The following PDE4D variants were observed in gnomAD, a reference collection of about 807,000 sequenced individuals.
PDE4D encodes the protein 3',5'-cyclic-AMP phosphodiesterase 4D.
In PDE4D, 24 loss-of-function variants were observed where a neutral mutation model predicts 87.4. That is an observed-to-expected ratio of 0.27 (90% confidence interval 0.20 to 0.39). The LOEUF (loss-of-function observed/expected upper bound fraction) is 0.39. Among genes scored for constraint, PDE4D ranks in the 10% least tolerant of loss-of-function variants. The pLI is 1.00. For missense variants in PDE4D, 714 were observed against 1,041.0 expected, an observed-to-expected ratio of 0.69 and a Z score of 4.32; for synonymous variants, 384 against 383.2, an observed-to-expected ratio of 1.00 and a Z score of -0.02.
chr5:59,203,082 A>T (rs1561700044), intron 2 of PDE4D, among the ~76,000 whole-genome samples: 1 of 152,142 alleles, frequency 6.6e-6, no homozygotes, highest in Non-Finnish European at 1.5e-5. Context: ...AGTGGCTTAC[A>T]CCTGTAATCC....
At chr5:60,416,425 A>G (rs1742568929) in intron 1 of PDE4D, among the ~76,000 whole-genome samples, 1 of 152,188 alleles carries the variant, frequency 6.6e-6, no homozygotes, top group African/African-American at 2.4e-5. Flanking sequence ...ATGAGCTGTA[A>G]CACTCACTGC....
chr5:60,450,573 C>CA (rs1028575442), intron 1 of PDE4D, among the ~76,000 whole-genome samples: 2 of 151,858 alleles, frequency 1.3e-5, no homozygotes, highest in African/African-American at 2.4e-5. Flanking sequence ...GGTTAGAGAC[C>CA]AAAAAACTTG....
chr5:59,892,283 C>T (rs1751065308), intron 1 of PDE4D, among the ~76,000 whole-genome samples: 1 of 152,200 alleles, frequency 6.6e-6, no homozygotes. Context: ...TACTAAAACT[C>T]CCGGTTGATA....
At chr5:59,820,343 A>G (rs926283076) in intron 1 of PDE4D, among the ~76,000 whole-genome samples, 15 of 152,226 alleles carry the variant, frequency 9.9e-5, no homozygotes, top group African/African-American at 3.4e-4. Context: ...TCCTCAGGCT[A>G]TCCCCAAATC....
chr5:59,343,338 C>A (rs976763996), intron 1 of PDE4D, among the ~76,000 whole-genome samples: 13 of 152,112 alleles, frequency 8.5e-5, no homozygotes, highest in African/African-American at 3.1e-4. Context: ...GTTCCCATCA[C>A]CCCCTGGTAA....
intron 2 of PDE4D, among the ~76,000 whole-genome samples, chr5:60,095,904 C>T (rs1262294986): frequency 6.6e-6 from 1 of 151,980 alleles, no homozygotes; most frequent in African/African-American, 2.4e-5. Context: ...TGAGAAGTGT[C>T]TGTTTATATC....
chr5:59,279,564 C>A (rs1293121241), intron 1 of PDE4D, among the ~76,000 whole-genome samples: 3 of 152,038 alleles, frequency 2.0e-5, no homozygotes, highest in Non-Finnish European at 4.4e-5. Flanking sequence ...AGATTTCCTA[C>A]CTCTTTCATA....
chr5:59,074,933 T>C (rs1263512797), intron 5 of PDE4D, among the ~76,000 whole-genome samples: 1 of 152,146 alleles, frequency 6.6e-6, no homozygotes, highest in African/African-American at 2.4e-5. Context: ...TCCTTACTTC[T>C]CACTATTAAT....
intron 2 of PDE4D, among the ~76,000 whole-genome samples, chr5:60,177,752 A>G (rs1784046895): frequency 6.6e-6 from 1 of 152,198 alleles, no homozygotes; most frequent in Admixed American, 6.5e-5. Context: ...CTTTTCGTTT[A>G]TTTAATCTAC....
chr5:60,208,298 G>A (rs911730023), intron 1 of PDE4D, among the ~76,000 whole-genome samples: 1 of 152,176 alleles, frequency 6.6e-6, no homozygotes, highest in African/African-American at 2.4e-5. Flanking sequence ...CGACATTTGA[G>A]TAACAGCTTA....
chr5:59,181,318 T>TA (rs769431115), intron 4 of PDE4D, among the ~76,000 whole-genome samples: 1,904 of 141,184 alleles, frequency 0.013, 14 homozygotes, highest in Non-Finnish European at 0.02. Context: ...CCCCTTGAAG[T>TA]AAAAAAAAAA....
At chr5:59,029,779 T>C (rs1490288959) in intron 6 of PDE4D, among the ~76,000 whole-genome samples, 1 of 152,132 alleles carries the variant, frequency 6.6e-6, no homozygotes, top group Non-Finnish European at 1.5e-5. Context: ...TATTCCCTCA[T>C]TTCAAAATAT....
intron 1 of PDE4D, among the ~76,000 whole-genome samples, chr5:60,197,476 G>A (rs1207089761): frequency 6.6e-6 from 1 of 151,230 alleles, no homozygotes; most frequent in Non-Finnish European, 1.5e-5. Flanking sequence ...AGATTATTTG[G>A]GACACAATGA....
intron 1 of PDE4D, among the ~76,000 whole-genome samples, chr5:59,547,427 T>A (rs1024386527): frequency 6.6e-6 from 1 of 152,128 alleles, no homozygotes; most frequent in Non-Finnish European, 1.5e-5. Flanking sequence ...TTTAACACCT[T>A]GCCTATATGA....
At chr5:59,127,051 T>G (rs1023186984) in intron 5 of PDE4D, among the ~76,000 whole-genome samples, 1 of 152,190 alleles carries the variant, frequency 6.6e-6, no homozygotes, top group African/African-American at 2.4e-5. Flanking sequence ...AACCGTTGAA[T>G]TATAGCTGGA....
intron 1 of PDE4D, among the ~76,000 whole-genome samples, chr5:59,884,544 C>G (rs1749894890): frequency 6.6e-6 from 1 of 151,900 alleles, no homozygotes; most frequent in Non-Finnish European, 1.5e-5. Context: ...TTTACAATTT[C>G]TGTCCTGAAA....
Position 59,423,990 on chromosome 5 carries a change from A to G in PDE4D, c.456-208022T>C, listed in dbSNP as rs74516404. 9.4e-3 allele frequency among the ~76,000 whole-genome samples: 1,430 copies of G among 152,200 alleles called. 25 individuals are homozygous for G. Among genetic ancestry groups the G allele is most frequent in the African/African-American group, 0.033 (1,381 of 41,520 alleles). ...CAAGATAACATGAGGGTTGGACCCA[A>G]GATGGTAGCAGTGGAGATGGCATCA... On this transcript the variant is annotated intron_variant, in intron 1 of 14. Transcript: ENST00000340635.
At chr5:60,206,513 C>T (rs748929624) in intron 1 of PDE4D, among the ~76,000 whole-genome samples, 11 of 152,222 alleles carry the variant, frequency 7.2e-5, no homozygotes, top group Non-Finnish European at 1.5e-4. Context: ...ACTTATACTA[C>T]ACCTTTCATC....
Position 58,976,350 on chromosome 5 carries a change from C to T in PDE4D, c.1830G>A (p.Gln610=). 1 of 1,611,604 alleles carries T rather than the reference C, an allele frequency of 6.2e-7. No homozygotes were observed. Among genetic ancestry groups the T allele is most frequent in the Non-Finnish European group, 8.5e-7 (1 of 1,178,982 alleles). The change falls in exon 13 of 15, where the codon CAG becomes CAA. Residue 610 remains glutamine, a splice_region_variant and synonymous_variant. Coordinates refer to ENST00000340635, the MANE Select transcript of PDE4D (RefSeq NM_001104631.2). ...AGAGCAAACTCAAACAAGGCTTTAC[C>T]TGAATCCTATCGGAATAATTATCAA... The part of the protein sequence containing the change: ...LLLDNYSDRI[Q]VLQNMVHCAD...
Sources: allele counts gnomAD v4.1 joint callset (sites outside exome capture counted in the v4.1 genomes callset), GRCh38; gene constraint gnomAD v4.1.1; transcripts MANE v1.5; gene names NCBI Gene and HGNC (gene_info 2026-07-23, HGNC 2026-07-21).